HCK: variants seen among roughly 807,000 people sequenced by gnomAD.
The protein encoded by HCK is tyrosine-protein kinase HCK.
A neutral mutation model predicts 70.4 loss-of-function variants in HCK; 40 were observed. That is an observed-to-expected ratio of 0.57 (90% CI 0.44 to 0.74). The LOEUF (loss-of-function observed/expected upper bound fraction) is 0.74. Ranked by LOEUF, HCK falls within the 30% of genes least tolerant of loss-of-function variation. The pLI, the probability that HCK is intolerant of heterozygous loss-of-function variation, is 0.00. For synonymous variants in HCK, 245 were observed against 263.2 expected (o/e 0.93, Z 0.67); for missense variants, 568 against 697.2 (o/e 0.81, Z 2.09).
Position 32,052,367 on chromosome 20 carries a change from T to A in HCK, c.-58T>A. 2 of 1,212,250 alleles carry A rather than the reference T, an allele frequency of 1.6e-6. No individual in the cohort carries two copies. The highest frequency in any genetic ancestry group is 2.1e-6 in the Non-Finnish European group (2 of 942,984). The allele number at this position is 1,212,250 out of a possible 1,614,324, so 75.1% of individuals were successfully genotyped here. ...CCCCTCAGAGCGTCGCCCCCGCCTC[T>A]AGTTCTAGAAAGTCAGTTTCCCGGC... On this transcript the variant is annotated 5_prime_UTR_variant, in exon 1 of 13. Transcript: ENST00000375852.
At position 32,086,774 on chromosome 20, in the gene HCK, C is replaced by T. The variant is rs751902493; in HGVS notation, c.982C>T (p.Pro328Ser). The stretch of plus-strand genomic sequence containing the variant: ...ACTTCATGCGGTGGTCACCAAGGAG[C>T]CCATCTACATCATCACGGAGTTCAT... The change falls in exon 9 of 13, where the codon CCC becomes TCC. Residue 328 changes from proline to serine, a missense_variant. This residue lies in a region of HCK where 160 missense variants were observed against 237.5 expected (regional missense o/e 0.67). Transcript: ENST00000375852. 2.5e-6 allele frequency: 4 copies of T among 1,596,016 alleles called. No individual in the cohort carries two copies. In the African/African-American group the frequency reaches 4.0e-5, roughly 16 times the overall value.
At chr20:32,071,612 C>A in intron 1 of HCK, 50 bp from the exon 2 acceptor site, 2 of 1,598,876 alleles carry the variant, frequency 1.3e-6, no homozygotes, top group South Asian at 1.1e-5. Context: ...AAGACTTCCC[C>A]GCATGAGGCT....
At chr20:32,059,835 A>G (rs886975249) in intron 1 of HCK, among the ~76,000 whole-genome samples, 33 of 152,210 alleles carry the variant, frequency 2.2e-4, no homozygotes, top group South Asian at 4.1e-4. Flanking sequence ...TTAATTTTTA[A>G]CAAGAAGGAT....
chr20:32,087,149 G>A (rs923436316), intron 9 of HCK, among the ~76,000 whole-genome samples: 1 of 152,290 alleles, frequency 6.6e-6, no homozygotes, highest in East Asian at 1.9e-4. Flanking sequence ...CCACTCTCCC[G>A]CATCAGCCAC....
At chr20:32,092,675 G>A (rs75725903) in intron 10 of HCK, among the ~76,000 whole-genome samples, 151 of 151,852 alleles carry the variant, frequency 9.9e-4, no homozygotes, top group African/African-American at 3.6e-3. Context: ...CATGATTGGC[G>A]GCCTCCCTCT....
At chr20:32,067,847 G>T (rs2045482065) in intron 1 of HCK, among the ~76,000 whole-genome samples, 1 of 151,560 alleles carries the variant, frequency 6.6e-6, no homozygotes, top group Non-Finnish European at 1.5e-5. Flanking sequence ...AGATGTGAAG[G>T]CTTAGTACAA....
At chr20:32,069,054 G>A (rs1021179686) in intron 1 of HCK, among the ~76,000 whole-genome samples, 3 of 152,230 alleles carry the variant, frequency 2.0e-5, no homozygotes, top group African/African-American at 7.2e-5. Context: ...TGGGCCAGAG[G>A]AATTGCAAAC....
At chr20:32,067,179 T>A (rs2045471059) in intron 1 of HCK, among the ~76,000 whole-genome samples, 1 of 152,248 alleles carries the variant, frequency 6.6e-6, no homozygotes, top group African/African-American at 2.4e-5. Context: ...CCCTCCTATG[T>A]TTACCACTCC....
At chr20:32,089,884 G>A (rs2045841485) in intron 10 of HCK, among the ~76,000 whole-genome samples, 1 of 152,256 alleles carries the variant, frequency 6.6e-6, no homozygotes, top group South Asian at 2.1e-4. Flanking sequence ...AGGTCTTTTA[G>A]ACAAAAGAAA....
Position 32,101,397 on chromosome 20 carries a change from TACA to T in HCK, c.1463_1465del (p.Asn488del). 6.2e-7 allele frequency: 1 copy of T among 1,614,182 alleles called. No homozygotes were observed. Among genetic ancestry groups the T allele is most frequent in the South Asian group, 1.1e-5 (1 of 91,074 alleles). On this transcript the variant is annotated inframe_deletion, in exon 13 of 13. Coordinates refer to ENST00000375852, the MANE Select transcript of HCK (RefSeq NM_002110.5). ...CCCAGAGAACTGCCCAGAGGAGCTC[TACA>T]ACATCATGATGCGCTGCTGGAAAAA...
At chr20:32,053,182 C>T (rs1051958090) in intron 1 of HCK, among the ~76,000 whole-genome samples, 1 of 152,000 alleles carries the variant, frequency 6.6e-6, no homozygotes, top group Non-Finnish European at 1.5e-5. Context: ...AGAGGTGGTG[C>T]GTGTGAGAGA....
chr20:32,071,177 T>G (rs1007071076), intron 1 of HCK, among the ~76,000 whole-genome samples: 1 of 152,086 alleles, frequency 6.6e-6, no homozygotes, highest in Non-Finnish European at 1.5e-5. Flanking sequence ...CTGCACTGAG[T>G]ATTTCCCCAC....
chr20:32,071,353 T>A (rs1394972665), intron 1 of HCK, among the ~76,000 whole-genome samples: 1 of 152,162 alleles, frequency 6.6e-6, no homozygotes, highest in Non-Finnish European at 1.5e-5. Context: ...CCTGTTACAT[T>A]TCTGTTATCC....
chr20:32,061,189 G>A (rs543313055), intron 1 of HCK, among the ~76,000 whole-genome samples: 380 of 152,238 alleles, frequency 2.5e-3, no homozygotes, highest in South Asian at 7.7e-3. Flanking sequence ...TCACCATGTT[G>A]GCCAGGCTGG....
At chr20:32,077,207 C>A (rs6119760) in intron 5 of HCK, among the ~76,000 whole-genome samples, 1 of 152,156 alleles carries the variant, frequency 6.6e-6, no homozygotes, top group African/African-American at 2.4e-5. Context: ...CAACTGGGAC[C>A]TTGGGAATCA....
chr20:32,055,624 C>T (rs988505125), intron 1 of HCK, among the ~76,000 whole-genome samples: 2 of 152,136 alleles, frequency 1.3e-5, no homozygotes, highest in Non-Finnish European at 2.9e-5. Flanking sequence ...GCAGAGCAAT[C>T]TTTTATATAG....
chr20:32,060,586 C>A (rs2045355039), intron 1 of HCK, among the ~76,000 whole-genome samples: 1 of 152,192 alleles, frequency 6.6e-6, no homozygotes, highest in African/African-American at 2.4e-5. Context: ...GGGCATCCAG[C>A]AGACTAAATG....
intron 11 of HCK, among the ~76,000 whole-genome samples, chr20:32,094,387 A>C (rs2045905300): frequency 6.6e-6 from 1 of 152,122 alleles, no homozygotes. Context: ...AGTGATGAAA[A>C]AGCACAAACT....
intron 6 of HCK, among the ~76,000 whole-genome samples, chr20:32,082,953 A>C (rs929477349): frequency 6.6e-6 from 1 of 152,176 alleles, no homozygotes; most frequent in African/African-American, 2.4e-5. Context: ...TTAGTGGCTT[A>C]AAACAACACC....
Sources: allele counts gnomAD v4.1 joint callset (sites outside exome capture counted in the v4.1 genomes callset), GRCh38; gene constraint gnomAD v4.1.1; regional missense constraint gnomAD v4.1.1; transcripts MANE v1.5; gene names NCBI Gene and HGNC (gene_info 2026-07-23, HGNC 2026-07-21).